MAML2: variants seen among roughly 807,000 people sequenced by gnomAD.
MAML2 encodes the protein mastermind-like protein 2.
Under a neutral mutation model 96.1 loss-of-function variants are expected in MAML2, and 22 were observed. That is an observed-to-expected ratio of 0.23 (90% confidence interval 0.16 to 0.33). MAML2 has a LOEUF of 0.33. Among genes scored for constraint, MAML2 ranks in the 10% least tolerant of loss-of-function variants. The pLI, the probability that MAML2 is intolerant of heterozygous loss-of-function variation, is 1.00. For synonymous variants in MAML2, 561 were observed against 521.3 expected (o/e 1.08, Z -1.04); for missense variants, 1,367 against 1,392.4 (o/e 0.98, Z 0.29).
chr11:96,104,309 T>C (rs1323780039), intron 1 of MAML2, among the ~76,000 whole-genome samples: 1 of 152,204 alleles, frequency 6.6e-6, no homozygotes, highest in African/African-American at 2.4e-5. Flanking sequence ...TAAAAATGTG[T>C]AGAAGAAAAC....
intron 1 of MAML2, among the ~76,000 whole-genome samples, chr11:96,194,990 T>A (rs1861708556): frequency 6.6e-6 from 1 of 152,192 alleles, no homozygotes; most frequent in Non-Finnish European, 1.5e-5. Flanking sequence ...AATATTCACA[T>A]CTTGAACTTG....
At chr11:96,061,119 AATT>A (rs1165704695) in intron 2 of MAML2, among the ~76,000 whole-genome samples, 2 of 152,184 alleles carry the variant, frequency 1.3e-5, no homozygotes, top group Non-Finnish European at 2.9e-5. Context: ...CGGGAACAAT[AATT>A]GTTTGTTCTA....
At chr11:96,254,385 G>A (rs1862631943) in intron 1 of MAML2, among the ~76,000 whole-genome samples, 1 of 147,160 alleles carries the variant, frequency 6.8e-6, no homozygotes, top group Non-Finnish European at 1.5e-5. Context: ...AAGGAATGTT[G>A]CAGCTCTTTT....
At chr11:96,216,523 G>A (rs944155909) in intron 1 of MAML2, among the ~76,000 whole-genome samples, 2 of 152,134 alleles carry the variant, frequency 1.3e-5, no homozygotes, top group Admixed American at 6.5e-5. Flanking sequence ...CATTTTGGAA[G>A]TTTTACATGG....
chr11:96,239,907 G>A (rs1160566095), intron 1 of MAML2, among the ~76,000 whole-genome samples: 1 of 152,152 alleles, frequency 6.6e-6, no homozygotes, highest in Admixed American at 6.5e-5. Context: ...TTTCTGAGCT[G>A]GACTATTCCC....
chr11:96,253,716 C>A (rs1862619926), intron 1 of MAML2, among the ~76,000 whole-genome samples: 1 of 152,170 alleles, frequency 6.6e-6, no homozygotes, highest in Non-Finnish European at 1.5e-5. Context: ...TATTATCTGA[C>A]AATGGAAAGG....
intron 1 of MAML2, among the ~76,000 whole-genome samples, chr11:96,266,832 A>C (rs1482499943): frequency 6.6e-6 from 1 of 152,218 alleles, no homozygotes. Flanking sequence ...TGAATATCAC[A>C]CATGGAAATG....
In MAML2 at chr11:96,199,179, A is replaced by C. The variant is rs1861776916; in HGVS notation, c.514-105662T>G. 1.4e-5 allele frequency among the ~76,000 whole-genome samples: 2 copies of C among 140,472 alleles called. 1 individual carries two copies. The highest frequency in any genetic ancestry group is 4.8e-4 in the South Asian group (2 of 4,164). 92.2% of individuals were successfully genotyped at this position (140,472 alleles called of 152,430 possible). A position where few individuals can be genotyped will look rare whatever the true frequency, so the allele number is the denominator to read the frequency against. ...GCCACTGCACTCCAGCCTGGGCAAC[A>C]GAGCAAGCCTCCGTCTCAAAAAAAA... On this transcript the variant is annotated intron_variant, in intron 1 of 4. Transcript: ENST00000524717.
rs540033002 is a variant in MAML2 at position 96,330,207 on chromosome 11, G to A, written c.513+11176C>T. Among the ~76,000 whole-genome samples the A allele has an allele frequency of 2.0e-5, 3 of 152,320 alleles. No individual in the cohort carries two copies. The South Asian group carries it at 6.2e-4, about 32-fold the overall frequency. ...TGAGGAAGCCTAGGAGAATGTTGAT[G>A]CACATGAAGTGAATGTGAACTGACA... On this transcript the variant is annotated intron_variant, in intron 1 of 4. Coordinates refer to ENST00000524717, the MANE Select transcript of MAML2 (RefSeq NM_032427.4).
intron 2 of MAML2, among the ~76,000 whole-genome samples, chr11:96,069,992 C>A (rs1859316677): frequency 6.6e-6 from 1 of 151,580 alleles, no homozygotes; most frequent in Non-Finnish European, 1.5e-5. Flanking sequence ...CCACTGTACT[C>A]CAGCCTGGTG....
In MAML2 at chr11:96,002,905, G is replaced by A. The variant is rs200274469; in HGVS notation, c.2140-11182C>T. Among the ~76,000 whole-genome samples the A allele has an allele frequency of 3.4e-5, 5 of 147,644 alleles. No homozygotes were observed. The South Asian group carries it at 9.0e-4, about 27-fold the overall frequency. ...TGATGAGGAGGATGATGGGGATGAT[G>A]AGAAAGATGATGGGGATAAGGAAGA... On this transcript the variant is annotated intron_variant, in intron 2 of 4. Transcript: ENST00000524717.
intron 1 of MAML2, among the ~76,000 whole-genome samples, chr11:96,264,206 T>G (rs539560234): frequency 6.6e-6 from 1 of 152,322 alleles, no homozygotes; most frequent in South Asian, 2.1e-4. Flanking sequence ...GTAACTTTTG[T>G]AAAGCCCCCT....
At chr11:96,272,897 T>G (rs964192150) in intron 1 of MAML2, among the ~76,000 whole-genome samples, 2 of 152,220 alleles carry the variant, frequency 1.3e-5, no homozygotes, top group Non-Finnish European at 1.5e-5. Flanking sequence ...CTTAAGGTTA[T>G]TCTGTCCCAT....
At chr11:96,208,696 C>G (rs1861927470) in intron 1 of MAML2, among the ~76,000 whole-genome samples, 2 of 151,980 alleles carry the variant, frequency 1.3e-5, no homozygotes, top group African/African-American at 4.8e-5. Flanking sequence ...AGTTCACCAG[C>G]AATGGATCCA....
At chr11:96,091,624 A>T (rs941600115) in intron 2 of MAML2, among the ~76,000 whole-genome samples, 1 of 152,206 alleles carries the variant, frequency 6.6e-6, no homozygotes, top group South Asian at 2.1e-4. Context: ...CACTAACAGC[A>T]TACATTATAA....
intron 2 of MAML2, among the ~76,000 whole-genome samples, chr11:95,996,792 A>T (rs1012709890): frequency 5.3e-5 from 8 of 152,154 alleles, no homozygotes; most frequent in Non-Finnish European, 8.8e-5. Context: ...AACTGCTTTG[A>T]TGCATTGGCT....
At chr11:96,118,678 T>A (rs1565220322) in intron 1 of MAML2, among the ~76,000 whole-genome samples, 1 of 152,056 alleles carries the variant, frequency 6.6e-6, no homozygotes, top group Admixed American at 6.5e-5. Context: ...GGATCCACAA[T>A]AATGAAGGTA....
chr11:96,257,022 G>C (rs1396922600), intron 1 of MAML2, among the ~76,000 whole-genome samples: 2 of 152,260 alleles, frequency 1.3e-5, no homozygotes, highest in East Asian at 1.9e-4. Context: ...TGAAAACAGG[G>C]ATTACCTTGT....
chr11:96,101,306 G>A (rs1859925978), intron 1 of MAML2, among the ~76,000 whole-genome samples: 2 of 152,284 alleles, frequency 1.3e-5, no homozygotes, highest in South Asian at 4.1e-4. Flanking sequence ...GCAGAAAAAA[G>A]GCATTTCATG....
Sources: allele counts gnomAD v4.1 joint callset (sites outside exome capture counted in the v4.1 genomes callset), GRCh38; gene constraint gnomAD v4.1.1; transcripts MANE v1.5; gene names NCBI Gene and HGNC (gene_info 2026-07-23, HGNC 2026-07-21).